KIF1B: variants seen among roughly 807,000 people sequenced by gnomAD.
The protein encoded by KIF1B is kinesin-like protein KIF1B.
A neutral mutation model predicts 241.9 loss-of-function variants in KIF1B; 76 were observed. The ratio of observed to expected loss-of-function variants is 0.31; its 90% CI spans 0.26 to 0.38. The LOEUF is 0.38. Among genes scored for constraint, KIF1B ranks in the 10% least tolerant of loss-of-function variants. KIF1B has a pLI of 1.00. For synonymous variants in KIF1B, 750 were observed against 796.7 expected, an observed-to-expected ratio of 0.94 and a Z score of 0.99; for missense variants, 1,622 against 2,271.4, an observed-to-expected ratio of 0.71 and a Z score of 5.81.
chr1:10,214,600 T>G (rs1187922098), intron 1 of KIF1B, among the ~76,000 whole-genome samples: 26 of 148,960 alleles, frequency 1.7e-4, no homozygotes, highest in Admixed American at 2.7e-4. Flanking sequence ...TTTTTTTTTT[T>G]GGGATGGAGT....
chr1:10,275,032 A>G, intron 10 of KIF1B: 1 of 326,082 alleles, frequency 3.1e-6, no homozygotes, highest in Non-Finnish European at 5.9e-6. Context: ...TATATGCTGA[A>G]GTGTTTAGGG....
intron 26 of KIF1B, among the ~76,000 whole-genome samples, chr1:10,325,806 C>A (rs1388466565): frequency 1.3e-5 from 2 of 152,160 alleles, no homozygotes; most frequent in African/African-American, 4.8e-5. Context: ...GGATGCTGAT[C>A]TTTTATGTGA....
chr1:10,225,356 A>C (rs902632497), intron 1 of KIF1B, among the ~76,000 whole-genome samples: 2 of 151,914 alleles, frequency 1.3e-5, no homozygotes, highest in Non-Finnish European at 2.9e-5. Flanking sequence ...ATGGTGGTGC[A>C]CCCCTGTAGC....
chr1:10,278,956 C>A, intron 13 of KIF1B, 141 bp from the exon 14 acceptor site: 1 of 530,086 alleles, frequency 1.9e-6, no homozygotes, highest in Non-Finnish European at 3.5e-6. Flanking sequence ...TAGATGAATA[C>A]CGTTTGTAAA....
At chr1:10,284,736 T>C (rs900082122) in intron 15 of KIF1B, among the ~76,000 whole-genome samples, 5 of 151,034 alleles carry the variant, frequency 3.3e-5, no homozygotes, top group Non-Finnish European at 7.4e-5. Context: ...GTGACGTGCA[T>C]CTATAGTCCC....
At position 10,295,864 on chromosome 1, in the gene KIF1B, C is replaced by G. The variant is rs138338520; in HGVS notation, c.1777+98C>G. 3.4e-4 allele frequency: 350 copies of G among 1,019,864 alleles called. No individual in the cohort carries two copies. The Middle Eastern group carries it at 6.4e-3, about 19-fold the overall frequency. The allele number at this position is 1,019,864 out of a possible 1,614,324, so 63.2% of individuals were successfully genotyped here. A position where few individuals can be genotyped will look rare whatever the true frequency, so the allele number is the denominator to read the frequency against. ...ATTCTCTGTCTATCAGTAGTACTTT[C>G]TTATACAATCTAATTCTGAAAAATG... On this transcript the variant is annotated intron_variant, in intron 19 of 48. Coordinates refer to ENST00000676179, the MANE Select transcript of KIF1B (RefSeq NM_001365951.3).
In KIF1B at chr1:10,334,575, G is replaced by GC. The variant is rs1652090826; in HGVS notation, c.2982dup (p.Ile995HisfsTer4). ...TCCCGTGCCCCTGATCCACAGGGTG[G>GC]CCATCGTCAGTGAGAAAGGTGAAGT... On this transcript the variant is annotated frameshift_variant, in exon 28 of 49. Coordinates refer to ENST00000676179, the MANE Select transcript of KIF1B (RefSeq NM_001365951.3). LOFTEE classifies it high-confidence loss of function. 1.2e-6 allele frequency: 2 copies of GC among 1,614,070 alleles called. No homozygotes were observed. The highest frequency in any genetic ancestry group is 1.7e-6 in the Non-Finnish European group (2 of 1,179,940).
rs139613776 is a variant in KIF1B at position 10,267,565 on chromosome 1, T to TA, written c.608+8dup. The TA allele has an allele frequency of 0.023, 37,920 of 1,613,808 alleles. 576 individuals carry two copies. Among genetic ancestry groups the TA allele is most frequent in the Non-Finnish European group, 0.028 (32,699 of 1,179,770 alleles). ...ATGCTGGGAACAAAGCCAGGTATGGTAGGAAATAGAGTAATGACTGAGGTC... is the reference window on the plus strand; with the variant it reads ...ATGCTGGGAACAAAGCCAGGTATGGTAAGGAAATAGAGTAATGACTGAGGTC... On this transcript the variant is annotated splice_region_variant and intron_variant, in intron 6 of 48. Coordinates refer to ENST00000676179, the MANE Select transcript of KIF1B (RefSeq NM_001365951.3).
At position 10,365,172 on chromosome 1, in the gene KIF1B, G is replaced by A; in HGVS notation, c.4439G>A (p.Gly1480Asp). ...GTGCGGGGAGAAGAGAACTTAGCAGGCTGGCGGCCCCGTGGAGACAGCCTC... is the reference window on the plus strand; with the variant it reads ...GTGCGGGGAGAAGAGAACTTAGCAGACTGGCGGCCCCGTGGAGACAGCCTC... ...AYVRGEENLA[G>D]WRPRGDSLIL... is the part of the protein sequence containing the mutation. The change falls in exon 42 of 49, where the codon GGC becomes GAC. Residue 1480 changes from glycine to aspartate, a missense_variant. This residue lies in a region of KIF1B where 803 missense variants were observed against 1,112.0 expected (regional missense o/e 0.72). Coordinates refer to ENST00000676179, the MANE Select transcript of KIF1B (RefSeq NM_001365951.3). The surrounding 1 kb of genome is among the most constrained non-coding windows in gnomAD (Gnocchi z 4.0). 1 of 1,614,048 alleles carries A rather than the reference G, an allele frequency of 6.2e-7. No homozygotes were observed. The highest frequency in any genetic ancestry group is 8.5e-7 in the Non-Finnish European group (1 of 1,180,012).
intron 14 of KIF1B, among the ~76,000 whole-genome samples, chr1:10,279,720 C>T (rs1186947946): frequency 9.6e-5 from 10 of 104,166 alleles, no homozygotes; most frequent in Non-Finnish European, 1.6e-4. Context: ...TTTTTTTAGA[C>T]AGTCTCACTC....
At chr1:10,300,980 A>T (rs1374706982) in intron 22 of KIF1B, among the ~76,000 whole-genome samples, 1 of 152,164 alleles carries the variant, frequency 6.6e-6, no homozygotes, top group Non-Finnish European at 1.5e-5. Flanking sequence ...TCAGAGGCCA[A>T]ATTATTATTA....
At chr1:10,253,568 AG>A (rs1426301549) in intron 2 of KIF1B, among the ~76,000 whole-genome samples, 1 of 152,160 alleles carries the variant, frequency 6.6e-6, no homozygotes, top group African/African-American at 2.4e-5. Context: ...ACTGGAGCCC[AG>A]GAGGTTGAGT....
In KIF1B at chr1:10,379,346, C is replaced by G. The variant is rs535603197; in HGVS notation, c.*2759C>G. 8.6e-6 allele frequency: 2 copies of G among 231,622 alleles called. No individual in the cohort carries two copies. The highest frequency in any genetic ancestry group is 1.1e-4 in the Admixed American group (2 of 17,738). 14.3% of individuals were successfully genotyped at this position (231,622 alleles called of 1,614,324 possible). A position where few individuals can be genotyped will look rare whatever the true frequency, so the allele number is the denominator to read the frequency against. ...TCATAGCGTGCCTGAATAAGAAGGC[C>G]TCTTAGGGAGCCAGAGGGAGCAGAG... On this transcript the variant is annotated 3_prime_UTR_variant, in exon 49 of 49. Coordinates refer to ENST00000676179, the MANE Select transcript of KIF1B (RefSeq NM_001365951.3).
chr1:10,220,151 G>A (rs1047864619), intron 1 of KIF1B, among the ~76,000 whole-genome samples: 2 of 150,006 alleles, frequency 1.3e-5, no homozygotes, highest in Non-Finnish European at 3.0e-5. Context: ...ACGGTGAGCC[G>A]AGATCGCGAG....
chr1:10,330,415 T>C (rs879111614), intron 27 of KIF1B, among the ~76,000 whole-genome samples: 2 of 152,124 alleles, frequency 1.3e-5, no homozygotes, highest in Admixed American at 1.3e-4. Flanking sequence ...AGAAAGGCAA[T>C]CTCATCTTTA....
In KIF1B at chr1:10,336,692, C is replaced by T. The variant is rs886042662; in HGVS notation, c.3079C>T (p.Arg1027Ter). The T allele has an allele frequency of 6.2e-7, 1 of 1,613,812 alleles. No homozygotes were observed. Among genetic ancestry groups the T allele is most frequent in the Non-Finnish European group, 8.5e-7 (1 of 1,179,928 alleles). ...EEAPDYGSGI[R>*]QSGTAKISFD... ...AGCTCCTGATTATGGCTCTGGAATTCGACAGTCAGGAACAGCTAAAATATC... is the reference window on the plus strand; with the variant it reads ...AGCTCCTGATTATGGCTCTGGAATTTGACAGTCAGGAACAGCTAAAATATC... The change falls in exon 29 of 49, where the codon CGA (arginine) becomes TGA (stop). Residue 1027 changes from arginine (R) to a stop codon, truncating the protein, a stop_gained. Transcript: ENST00000676179. LOFTEE classifies it high-confidence loss of function.
intron 27 of KIF1B, among the ~76,000 whole-genome samples, chr1:10,327,200 A>T (rs924049205): frequency 6.6e-6 from 1 of 151,876 alleles, no homozygotes; most frequent in Admixed American, 6.6e-5. Flanking sequence ...ACCCGTCTCT[A>T]CTAAAAATAC....
At position 10,318,980 on chromosome 1, in the gene KIF1B, T is replaced by G. The variant is rs113761025; in HGVS notation, c.2116-1063T>G. 1.5e-3 allele frequency among the ~76,000 whole-genome samples: 233 copies of G among 152,288 alleles called. 1 individual carries two copies. The highest frequency in any genetic ancestry group is 5.4e-3 in the African/African-American group (224 of 41,562). On this transcript the variant is annotated intron_variant, in intron 22 of 48. Coordinates refer to ENST00000676179, the MANE Select transcript of KIF1B (RefSeq NM_001365951.3). ...ATTTGTACTTCATATATTAAAAGAC[T>G]AAGATTTTTTTCATCCTCTGAGAAC...
At chr1:10,240,838 A>G (rs1192169566) in intron 2 of KIF1B, among the ~76,000 whole-genome samples, 1 of 148,614 alleles carries the variant, frequency 6.7e-6, no homozygotes, top group Admixed American at 6.9e-5. Context: ...TGCTGGTATT[A>G]CAAGTGTGAA....
Sources: allele counts gnomAD v4.1 joint callset (sites outside exome capture counted in the v4.1 genomes callset), GRCh38; gene constraint gnomAD v4.1.1; regional missense constraint gnomAD v4.1.1; non-coding constraint Gnocchi (gnomAD v3.1); transcripts MANE v1.5; gene names NCBI Gene and HGNC (gene_info 2026-07-23, HGNC 2026-07-21).